TDRD7: variants seen among roughly 807,000 people sequenced by gnomAD.
TDRD7 encodes the protein tudor domain-containing protein 7.
TDRD7 carries 47 observed loss-of-function variants against 109.8 expected under a neutral mutation model. The ratio of observed to expected loss-of-function variants is 0.43; its 90% CI spans 0.34 to 0.55. The LOEUF is 0.55. TDRD7 is among the 20% of genes least tolerant of loss of function. The probability of loss-of-function intolerance (pLI) is 0.03; values close to 1 mark genes in which losing one functional copy is unlikely to be tolerated. For missense variants in TDRD7, 1,164 were observed against 1,319.2 expected (o/e 0.88, Z 1.82); for synonymous variants, 424 against 457.3 (o/e 0.93, Z 0.93).
In TDRD7 at chr9:97,461,515, G is replaced by A. The variant is rs1024758827; in HGVS notation, c.1442+751G>A. ...CTATTTATTTGAGTCTTTCAGTATC[G>A]TTGCCTGAGAGGAGGTGTCATTGCC... On this transcript the variant is annotated intron_variant, in intron 7 of 16. Transcript: ENST00000355295. 5.3e-5 allele frequency among the ~76,000 whole-genome samples: 8 copies of A among 152,160 alleles called. No homozygotes were observed. In the East Asian group the frequency reaches 9.6e-4, roughly 18 times the overall value.
chr9:97,425,562 C>T (rs1245221031), intron 1 of TDRD7, among the ~76,000 whole-genome samples: 3 of 152,022 alleles, frequency 2.0e-5, no homozygotes, highest in Non-Finnish European at 2.9e-5. Context: ...AATTGCCTAA[C>T]GACACATTTC....
intron 8 of TDRD7, among the ~76,000 whole-genome samples, chr9:97,467,102 T>C (rs141276286): frequency 1.3e-5 from 2 of 152,284 alleles, no homozygotes; most frequent in African/African-American, 2.4e-5. Context: ...CTCTAGTTGA[T>C]AGGAGATAAC....
At chr9:97,462,985 A>AG (rs1191116626) in intron 7 of TDRD7, among the ~76,000 whole-genome samples, 12 of 152,246 alleles carry the variant, frequency 7.9e-5, no homozygotes, top group Admixed American at 5.2e-4. Flanking sequence ...TAGCAGCACT[A>AG]GGGGGAGGCC....
chr9:97,495,682 G>A lies in TDRD7; in HGVS notation c.3096G>A (p.Trp1032Ter), dbSNP rs1478403033. The change falls in exon 17 of 17, where the codon TGG (tryptophan) becomes TGA (stop). Residue 1032 changes from tryptophan (W) to a stop codon, truncating the protein, a stop_gained. Coordinates refer to ENST00000355295, the MANE Select transcript of TDRD7 (RefSeq NM_014290.3). LOFTEE classifies it high-confidence loss of function. Reference sequence around the variant, plus strand: ...TCCTAGGAGTGAAGTGCAACCAGTGGTCTGAGGAGGCTTCTATGGTGTTTC... The same window carrying A: ...TCCTAGGAGTGAAGTGCAACCAGTGATCTGAGGAGGCTTCTATGGTGTTTC... ...AQLAGVKCNQ[W>*]SEEASMVFRN... 6.2e-7 allele frequency: 1 copy of A among 1,614,134 alleles called. No individual in the cohort carries two copies. The highest frequency in any genetic ancestry group is 8.5e-7 in the Non-Finnish European group (1 of 1,180,028).
chr9:97,429,862 A>G (rs1828069915), intron 2 of TDRD7, among the ~76,000 whole-genome samples: 1 of 152,242 alleles, frequency 6.6e-6, no homozygotes, highest in South Asian at 2.1e-4. Context: ...TAATAAATTA[A>G]TGCTTTATAG....
chr9:97,487,158 T>G lies in TDRD7; in HGVS notation c.2916-14T>G, dbSNP rs773697510. The G allele has an allele frequency of 2.5e-6, 4 of 1,613,714 alleles. No individual in the cohort carries two copies. The highest frequency in any genetic ancestry group is 1.3e-5 in the African/African-American group (1 of 74,910). On this transcript the variant is annotated splice_polypyrimidine_tract_variant and intron_variant, in intron 15 of 16. Coordinates refer to ENST00000355295, the MANE Select transcript of TDRD7 (RefSeq NM_014290.3). ...ATGTGTTTTCTCTTCCTTTTTAATT[T>G]AATGTACATCTAGGTGGCACAGGGT...
Position 97,460,680 on chromosome 9 carries a change from C to A in TDRD7, c.1358C>A (p.Thr453Lys). Residue 453 changes from threonine to lysine, a missense_variant, in exon 7 of 17, where the codon ACA becomes AAA. This residue lies in a region of TDRD7 where 407 missense variants were observed against 394.0 expected (regional missense o/e 1.03). Transcript: ENST00000355295. ...GCTAATACCTTTATGGAGGACATAA[C>A]AGTTCCTCCTTTAATGATTCCAACT... ...ESANTFMEDI[T>K]VPPLMIPTEA... 3 of 1,614,020 alleles carry A rather than the reference C, an allele frequency of 1.9e-6. No homozygotes were observed. Among genetic ancestry groups the A allele is most frequent in the Non-Finnish European group, 2.5e-6 (3 of 1,179,894 alleles).
rs1828697599 is a variant in TDRD7 at position 97,460,578 on chromosome 9, A to G, written c.1256A>G (p.Gln419Arg). The G allele has an allele frequency of 6.2e-7, 1 of 1,614,128 alleles. No homozygotes were observed. Among genetic ancestry groups the G allele is most frequent in the African/African-American group, 1.3e-5 (1 of 74,952 alleles). Residue 419 changes from glutamine to arginine, a missense_variant, in exon 7 of 17, where the codon CAA (glutamine) becomes CGA (arginine). Gln to Arg is a conservative substitution (Grantham distance 43, BLOSUM62 1). This residue lies in a region of TDRD7 where 407 missense variants were observed against 394.0 expected (regional missense o/e 1.03). Coordinates refer to ENST00000355295, the MANE Select transcript of TDRD7 (RefSeq NM_014290.3). ...GACAAAATCCAAAAGGATGCAGGGCAAGCACATGGTGATAATGATATCAAG... is the reference window on the plus strand; with the variant it reads ...GACAAAATCCAAAAGGATGCAGGGCGAGCACATGGTGATAATGATATCAAG... ...PTDKIQKDAG[Q>R]AHGDNDIKAM... is the part of the protein sequence containing the mutation.
intron 10 of TDRD7, 24 bp downstream of exon 10, chr9:97,472,519 G>A (rs914293412): frequency 3.7e-5 from 59 of 1,578,742 alleles, no homozygotes; most frequent in Non-Finnish European, 4.5e-5. Flanking sequence ...CACTGTTGTT[G>A]CTTGTTACAC....
At chr9:97,489,738 T>G (rs1172610404) in intron 16 of TDRD7, among the ~76,000 whole-genome samples, 1 of 152,206 alleles carries the variant, frequency 6.6e-6, no homozygotes, top group Non-Finnish European at 1.5e-5. Context: ...TTGTCATTAC[T>G]CTTTTTCTGC....
At chr9:97,454,764 C>T (rs920666522) in intron 6 of TDRD7, among the ~76,000 whole-genome samples, 4 of 151,832 alleles carry the variant, frequency 2.6e-5, no homozygotes, top group African/African-American at 9.7e-5. Context: ...CCTAACATCA[C>T]AAAAGAGCTA....
At chr9:97,414,975 A>G (rs758260647) in intron 1 of TDRD7, among the ~76,000 whole-genome samples, 39 of 152,206 alleles carry the variant, frequency 2.6e-4, no homozygotes, top group Non-Finnish European at 5.6e-4. Context: ...CAGCACAGAC[A>G]TTATGGGACT....
intron 7 of TDRD7, among the ~76,000 whole-genome samples, chr9:97,463,130 A>C (rs2131152585): frequency 6.6e-6 from 1 of 152,340 alleles, no homozygotes; most frequent in Non-Finnish European, 1.5e-5. Context: ...TTTAAATGAT[A>C]ATACCTGGCT....
Position 97,449,907 on chromosome 9 carries a change from G to A in TDRD7, c.855+8032G>A, listed in dbSNP as rs370670530. On this transcript the variant is annotated intron_variant, in intron 6 of 16. Transcript: ENST00000355295. Reference sequence around the variant, plus strand: ...AAGGAAGACCAAATATATATTTCACGGTATCACAGCCTCACATCTGCCAAG... The same window carrying A: ...AAGGAAGACCAAATATATATTTCACAGTATCACAGCCTCACATCTGCCAAG... Among the ~76,000 whole-genome samples, 16 of 152,192 alleles carry A rather than the reference G, an allele frequency of 1.1e-4. No homozygotes were observed. In the South Asian group the frequency reaches 2.3e-3, roughly 22 times the overall value.
Position 97,472,475 on chromosome 9 carries a change from T to C in TDRD7, c.1924T>C (p.Ser642Pro), listed in dbSNP as rs1319991103. ...CTGCTTGAAGGCTATATGTGACAAG[T>C]CACTAGAGGTTCACCTGCAGGTACC... ...ATCLKAICDKSLEVHLQVDAM... is the reference protein window; with the variant it reads ...ATCLKAICDKPLEVHLQVDAM... Residue 642 changes from serine to proline, a missense_variant, in exon 10 of 17, where the codon TCA becomes CCA. Coordinates refer to ENST00000355295, the MANE Select transcript of TDRD7 (RefSeq NM_014290.3). The C allele has an allele frequency of 6.2e-7, 1 of 1,613,674 alleles. No homozygotes were observed. The highest frequency in any genetic ancestry group is 1.7e-5 in the Admixed American group (1 of 59,996).
At chr9:97,426,011 G>A (rs775824986) in intron 1 of TDRD7, among the ~76,000 whole-genome samples, 5 of 152,154 alleles carry the variant, frequency 3.3e-5, no homozygotes, top group Non-Finnish European at 7.4e-5. Context: ...ACAATGGTAA[G>A]TATTCGTGTA....
intron 16 of TDRD7, among the ~76,000 whole-genome samples, chr9:97,491,438 C>T (rs1320757869): frequency 6.6e-6 from 1 of 152,092 alleles, no homozygotes; most frequent in African/African-American, 2.4e-5. Flanking sequence ...GTGTTTTTTT[C>T]CTTCCATATC....
Position 97,470,572 on chromosome 9 carries a change from C to T in TDRD7, c.1644C>T (p.Asp548=), listed in dbSNP as rs367834238. The T allele has an allele frequency of 3.1e-5, 50 of 1,613,310 alleles. No individual in the cohort carries two copies. Among genetic ancestry groups the T allele is most frequent in the Admixed American group, 5.0e-5 (3 of 59,972 alleles). The change falls in exon 9 of 17, where the codon GAC becomes GAT. Residue 548 remains aspartate, a synonymous_variant. Transcript: ENST00000355295. ...TTAATCATTAGGTATGCTATGTTGA[C>T]TATGGTTTTAGTGAAAATGTTGAAA... ...EENKIKVCYV[D]YGFSENVEKS... is the part of the protein sequence containing the mutation.
chr9:97,459,495 G>T lies in TDRD7; in HGVS notation c.856-683G>T, dbSNP rs1828672446. 1.3e-5 allele frequency among the ~76,000 whole-genome samples: 2 copies of T among 152,154 alleles called. 1 individual carries two copies. The highest frequency in any genetic ancestry group is 4.2e-4 in the South Asian group (2 of 4,816). ...GGGAGAAAAATTATGCCATACATCA[G>T]TTTCTCTTCTCCTTCTTCTCTTACA... On this transcript the variant is annotated intron_variant, in intron 6 of 16. Transcript: ENST00000355295.
Sources: allele counts gnomAD v4.1 joint callset (sites outside exome capture counted in the v4.1 genomes callset), GRCh38; gene constraint gnomAD v4.1.1; regional missense constraint gnomAD v4.1.1; transcripts MANE v1.5; gene names NCBI Gene and HGNC (gene_info 2026-07-23, HGNC 2026-07-21).